PDE10A: variants seen among roughly 807,000 people sequenced by gnomAD.
PDE10A encodes the protein phosphodiesterase 10A.
A neutral mutation model predicts 97.7 loss-of-function variants in PDE10A; 39 were observed. The observed-to-expected ratio is 0.40, with a 90% CI of 0.31 to 0.52. The LOEUF is 0.52. Ranked by LOEUF, PDE10A falls within the 20% of genes least tolerant of loss-of-function variation. The pLI is 0.56. For missense variants in PDE10A, 731 were observed against 1,047.8 expected (o/e 0.70, Z 4.17); for synonymous variants, 371 against 376.8 (o/e 0.98, Z 0.18).
intron 1 of PDE10A, among the ~76,000 whole-genome samples, chr6:165,687,440 A>T (rs981830894): frequency 6.6e-6 from 1 of 152,218 alleles, no homozygotes; most frequent in Admixed American, 6.5e-5. Flanking sequence ...GTGAGAAAAA[A>T]GTTTCAGCTC....
At chr6:165,527,885 A>AC (rs1317474221) in intron 2 of PDE10A, among the ~76,000 whole-genome samples, 1 of 152,154 alleles carries the variant, frequency 6.6e-6, no homozygotes, top group African/African-American at 2.4e-5. Context: ...GAAGGCTAGG[A>AC]CCTGGTTCAC....
chr6:165,896,374 G>T (rs1401721409), intron 1 of PDE10A, among the ~76,000 whole-genome samples: 4 of 149,202 alleles, frequency 2.7e-5, no homozygotes, highest in Admixed American at 6.7e-5. Context: ...TTTTTTTGGA[G>T]ATAGGGTCTT....
At chr6:165,955,460 C>T (rs545334762) in intron 1 of PDE10A, among the ~76,000 whole-genome samples, 17 of 152,162 alleles carry the variant, frequency 1.1e-4, no homozygotes, top group South Asian at 4.1e-4. Context: ...TTGCCACCTC[C>T]GCTTTAGTCA....
chr6:165,959,847 G>A (rs570650388), intron 1 of PDE10A, among the ~76,000 whole-genome samples: 1 of 152,244 alleles, frequency 6.6e-6, no homozygotes, highest in East Asian at 1.9e-4. Flanking sequence ...GCTGCCAGCT[G>A]GAAAGCTCAG....
In PDE10A at chr6:165,825,423, G is replaced by A. The variant is rs1779711496; in HGVS notation, c.-615+162106C>T. Among the ~76,000 whole-genome samples, 3 of 152,146 alleles carry A rather than the reference G, an allele frequency of 2.0e-5. No homozygotes were observed. In the South Asian group the frequency reaches 6.2e-4, roughly 32 times the overall value. ...CACTCATGCTAGCAGGCCTCAAGCT[G>A]TGTGGTCCCCAAACTCCAATTTAGA... On this transcript the variant is annotated intron_variant, in intron 1 of 19. Transcript: ENST00000366882.
intron 1 of PDE10A, among the ~76,000 whole-genome samples, chr6:165,854,836 G>A (rs868674364): frequency 6.6e-6 from 1 of 152,186 alleles, no homozygotes; most frequent in African/African-American, 2.4e-5. Context: ...CCTTGGCGGC[G>A]CCCACTCCTG....
chr6:165,618,773 AAG>A lies in PDE10A; in HGVS notation c.865+43172_865+43173del, dbSNP rs539259895. ...TCCTCTTGTAAGAAACCTTGTTCAC[AAG>A]AGAGTCGCAACTAAAACTGTGAACT... On this transcript the variant is annotated intron_variant, in intron 1 of 21. Transcript: ENST00000539869. Among the ~76,000 whole-genome samples the A allele has an allele frequency of 2.1e-4, 32 of 152,320 alleles. No individual in the cohort carries two copies. In the South Asian group the frequency reaches 2.9e-3, roughly 14 times the overall value.
At chr6:165,793,483 C>A (rs537154578) in intron 1 of PDE10A, among the ~76,000 whole-genome samples, 1 of 152,172 alleles carries the variant, frequency 6.6e-6, no homozygotes, top group Admixed American at 6.5e-5. Flanking sequence ...AGACCCGGGG[C>A]TGGGGGGCGT....
chr6:165,517,505 T>TA (rs1331129700), intron 2 of PDE10A, among the ~76,000 whole-genome samples: 1 of 152,202 alleles, frequency 6.6e-6, no homozygotes, highest in African/African-American at 2.4e-5. Flanking sequence ...AAATTGGAAA[T>TA]AATCCAAATA....
At chr6:165,346,978 G>C (rs895224068) in intron 18 of PDE10A, among the ~76,000 whole-genome samples, 5 of 152,018 alleles carry the variant, frequency 3.3e-5, no homozygotes, top group Admixed American at 3.3e-4. Flanking sequence ...TGGATGTTTT[G>C]TTTAGAAGCT....
At chr6:165,968,759 T>A (rs1032032698) in intron 1 of PDE10A, among the ~76,000 whole-genome samples, 1 of 152,196 alleles carries the variant, frequency 6.6e-6, no homozygotes, top group African/African-American at 2.4e-5. Context: ...ATGTGATAAA[T>A]TTTTATCTCT....
At chr6:165,825,729 T>TG (rs1411603701) in intron 1 of PDE10A, among the ~76,000 whole-genome samples, 1 of 152,144 alleles carries the variant, frequency 6.6e-6, no homozygotes, top group East Asian at 1.9e-4. Context: ...GGAGTCCCCC[T>TG]GGGGGTTATC....
At chr6:165,408,216 C>A (rs1352354475) in intron 13 of PDE10A, among the ~76,000 whole-genome samples, 1 of 152,168 alleles carries the variant, frequency 6.6e-6, no homozygotes, top group Non-Finnish European at 1.5e-5. Flanking sequence ...CAATAACGGT[C>A]AACAATTAAA....
At chr6:165,934,971 A>G (rs1783275786) in intron 1 of PDE10A, among the ~76,000 whole-genome samples, 1 of 152,208 alleles carries the variant, frequency 6.6e-6, no homozygotes, top group Non-Finnish European at 1.5e-5. Context: ...AAAAATAGCA[A>G]ATTTGGGGCT....
chr6:165,529,325 G>A (rs1420818448), intron 2 of PDE10A, among the ~76,000 whole-genome samples: 1 of 152,176 alleles, frequency 6.6e-6, no homozygotes, highest in Non-Finnish European at 1.5e-5. Context: ...ACCATGCCCT[G>A]TGATTAAAGT....
chr6:165,328,212 T>C lies in PDE10A; in HGVS notation c.*4813A>G, dbSNP rs1204512582. ...GATCATATGGAAAATAATATTCCTA[T>C]ATGTCATTTATATAGGCTATCAGAG... On this transcript the variant is annotated 3_prime_UTR_variant, in exon 22 of 22. Coordinates refer to ENST00000539869, the MANE Select transcript of PDE10A (RefSeq NM_001385079.1). 3.3e-5 allele frequency: 5 copies of C among 152,166 alleles called. No homozygotes were observed. Among genetic ancestry groups the C allele is most frequent in the Admixed American group, 2.6e-4 (4 of 15,280 alleles). The allele number at this position is 152,166 out of a possible 1,614,324, so 9.4% of individuals were successfully genotyped here.
At chr6:165,637,169 GA>G (rs992676777) in intron 1 of PDE10A, among the ~76,000 whole-genome samples, 1 of 152,194 alleles carries the variant, frequency 6.6e-6, no homozygotes, top group African/African-American at 2.4e-5. Context: ...CAGACTATAA[GA>G]GATGGGACCA....
At chr6:165,537,826 T>C (rs1422517735) in intron 2 of PDE10A, among the ~76,000 whole-genome samples, 1 of 151,894 alleles carries the variant, frequency 6.6e-6, no homozygotes, top group Non-Finnish European at 1.5e-5. Flanking sequence ...AATTTAACAT[T>C]TGAGACAAAA....
chr6:165,652,511 T>C (rs1328625083), intron 1 of PDE10A, among the ~76,000 whole-genome samples: 1 of 152,188 alleles, frequency 6.6e-6, no homozygotes, highest in African/African-American at 2.4e-5. Flanking sequence ...GATAACACTT[T>C]AGATGTTTAT....
Sources: allele counts gnomAD v4.1 joint callset (sites outside exome capture counted in the v4.1 genomes callset), GRCh38; gene constraint gnomAD v4.1.1; transcripts MANE v1.5; gene names NCBI Gene and HGNC (gene_info 2026-07-23, HGNC 2026-07-21).